Variants in COL18A1 observed in about 807,000 individuals in gnomAD.
The protein encoded by COL18A1 is collagen alpha-1(XVIII) chain.
A neutral mutation model predicts 168.0 loss-of-function variants in COL18A1; 133 were observed. The observed-to-expected ratio is 0.79, with a 90% CI of 0.69 to 0.91. The LOEUF (loss-of-function observed/expected upper bound fraction) is 0.91. COL18A1 is among the 40% of genes least tolerant of loss of function. COL18A1 has a pLI of 0.00. For synonymous variants in COL18A1, 949 were observed against 809.0 expected (o/e 1.17, Z -2.94); for missense variants, 2,126 against 1,925.4 (o/e 1.10, Z -1.95).
Position 45,506,353 on chromosome 21 carries a change from G to C in COL18A1, c.3216+387G>C, listed in dbSNP as rs2037204696. 3 of 355,018 alleles carry C rather than the reference G, an allele frequency of 8.5e-6. No individual in the cohort carries two copies. The Admixed American group carries it at 1.2e-4, about 14-fold the overall frequency. The allele number at this position is 355,018 out of a possible 1,614,324, so 22.0% of individuals were successfully genotyped here. On this transcript the variant is annotated intron_variant, in intron 37 of 41. Transcript: ENST00000651438. ...GACGTCCACAGCACGGCCCCGGCTGGGGGGCAGGCTGTCCCGTGGCTCTGC... is the reference window on the plus strand; with the variant it reads ...GACGTCCACAGCACGGCCCCGGCTGCGGGGCAGGCTGTCCCGTGGCTCTGC...
intron 2 of COL18A1, among the ~76,000 whole-genome samples, chr21:45,448,192 T>C (rs1416752585): frequency 1.3e-5 from 2 of 152,186 alleles, no homozygotes; most frequent in African/African-American, 4.8e-5. Flanking sequence ...GATACGATGA[T>C]CAGAAAACGC....
chr21:45,494,788 T>C, intron 27 of COL18A1, 74 bp from the exon 28 acceptor site: 1 of 1,419,958 alleles, frequency 7.0e-7, no homozygotes, highest in Admixed American at 1.9e-5. Flanking sequence ...GCCCCTCCCC[T>C]TCCCCAGGAC....
At chr21:45,472,250 G>GT (rs1568896840) in intron 3 of COL18A1, among the ~76,000 whole-genome samples, 1 of 151,118 alleles carries the variant, frequency 6.6e-6, no homozygotes, top group Non-Finnish European at 1.5e-5. Context: ...TTGAGACGGA[G>GT]TCTCGCTCTG....
chr21:45,496,273 C>T (rs919033898), intron 29 of COL18A1: 10 of 706,548 alleles, frequency 1.4e-5, no homozygotes, highest in African/African-American at 7.0e-5. Context: ...TCACTCCTCC[C>T]GAGGGACGTC....
intron 2 of COL18A1, among the ~76,000 whole-genome samples, chr21:45,451,689 T>C (rs2034626444): frequency 6.6e-6 from 1 of 152,144 alleles, no homozygotes; most frequent in Non-Finnish European, 1.5e-5. Context: ...GAAGGCTGCT[T>C]CCTCTATGAA....
rs2035306274 is a variant in COL18A1 at position 45,468,728 on chromosome 21, A to AGCCTGGC, written c.597_603dup (p.Gly202TrpfsTer15). ...CGGTCCTCACGGGGCCTGGAGCTGG[A>AGCCTGGC]GCCTGGCGCCGGGCTCTTCGTGGCT... On this transcript the variant is annotated frameshift_variant, in exon 3 of 42. Coordinates refer to ENST00000651438, the MANE Select transcript of COL18A1 (RefSeq NM_001379500.1). LOFTEE classifies it high-confidence loss of function. 6.2e-7 allele frequency: 1 copy of AGCCTGGC among 1,611,486 alleles called. No individual in the cohort carries two copies. Among genetic ancestry groups the AGCCTGGC allele is most frequent in the Non-Finnish European group, 8.5e-7 (1 of 1,179,888 alleles).
intron 2 of COL18A1, among the ~76,000 whole-genome samples, chr21:45,412,269 C>T (rs1435421830): frequency 7.0e-6 from 1 of 143,572 alleles, no homozygotes; most frequent in Non-Finnish European, 1.5e-5. Context: ...TGGAGTCTGG[C>T]TCTGTTGCCC....
At chr21:45,444,929 G>A (rs779014123) in intron 2 of COL18A1, among the ~76,000 whole-genome samples, 19 of 152,182 alleles carry the variant, frequency 1.2e-4, no homozygotes, top group Admixed American at 9.2e-4. Flanking sequence ...TAAGGATTGC[G>A]TGGTTTGGAA....
chr21:45,504,639 A>G (rs2037076556), intron 34 of COL18A1, 83 bp downstream of exon 34: 1 of 1,272,748 alleles, frequency 7.9e-7, no homozygotes, highest in African/African-American at 1.5e-5. Flanking sequence ...CCGGCCTTCG[A>G]CACCCGCGAA....
At chr21:45,504,628 C>A (rs907065745) in intron 34 of COL18A1, 72 bp downstream of exon 34, 2 of 1,414,814 alleles carry the variant, frequency 1.4e-6, no homozygotes, top group African/African-American at 2.8e-5. Flanking sequence ...GCAGGTCCAG[C>A]CCGGCCTTCG....
In COL18A1 at chr21:45,437,869, G is replaced by C. The variant is rs1291805010; in HGVS notation, c.107-30373G>C. ...CTGCACACACTCACACTCACACTCA[G>C]ACACACAGGCACTCTCCTGCACACA... On this transcript the variant is annotated intron_variant, in intron 2 of 41. Coordinates refer to ENST00000651438, the MANE Select transcript of COL18A1 (RefSeq NM_001379500.1). Among the ~76,000 whole-genome samples the C allele has an allele frequency of 1.1e-4, 3 of 27,028 alleles. 1 individual carries two copies. Among genetic ancestry groups the C allele is most frequent in the Non-Finnish European group, 1.7e-4 (3 of 17,270 alleles). 17.7% of individuals were successfully genotyped at this position (27,028 alleles called of 152,430 possible).
chr21:45,505,232 C>T lies in COL18A1; in HGVS notation c.2967C>T (p.Pro989=), dbSNP rs1339547749. 8 of 1,596,912 alleles carry T rather than the reference C, an allele frequency of 5.0e-6. No homozygotes were observed. The Middle Eastern group carries it at 5.1e-4, about 102-fold the overall frequency. The change falls in exon 35 of 42, where the codon CCC becomes CCT. Residue 989 remains proline (P), a synonymous_variant. Transcript: ENST00000651438. ...AGGGGCGCCAGGGCCCTCCCGGCCCCCCAGGCCCCCCAGGGCCCCCTTCAT... is the reference window on the plus strand; with the variant it reads ...AGGGGCGCCAGGGCCCTCCCGGCCCTCCAGGCCCCCCAGGGCCCCCTTCAT... ...GYEGRQGPPG[P]PGPPGPPSFP... is the part of the protein sequence containing the mutation.
rs778766804 is a variant in COL18A1, at chr21:45,510,048, G to A, written c.3496-16G>A. 2.6e-5 allele frequency: 40 copies of A among 1,546,448 alleles called. No homozygotes were observed. Among genetic ancestry groups the A allele is most frequent in the African/African-American group, 1.5e-4 (11 of 73,266 alleles). On this transcript the variant is annotated splice_polypyrimidine_tract_variant and intron_variant, in intron 39 of 41. Coordinates refer to ENST00000651438, the MANE Select transcript of COL18A1 (RefSeq NM_001379500.1). The stretch of plus-strand genomic sequence containing the variant: ...CAGCGTGGGACACAGCCCGTGACGC[G>A]CCCCTCTCCCCGCAGCTCCACCTGG...
intron 2 of COL18A1, chr21:45,419,835 C>T (rs944890151): frequency 1.3e-5 from 2 of 152,184 alleles, no homozygotes; most frequent in African/African-American, 4.8e-5. Context: ...CCCCCGGAAC[C>T]CCAGCCCTCA....
chr21:45,502,819 C>T (rs563689692), intron 32 of COL18A1: 1 of 152,296 alleles, frequency 6.6e-6, no homozygotes, highest in East Asian at 1.9e-4. Flanking sequence ...AAGGGCAGGA[C>T]GCTGGGAGGA....
At chr21:45,484,753 T>A (rs2036049914) in intron 15 of COL18A1, among the ~76,000 whole-genome samples, 1 of 152,246 alleles carries the variant, frequency 6.6e-6, no homozygotes, top group African/African-American at 2.4e-5. Context: ...CATGTATTTG[T>A]AGTGTGTGTG....
At position 45,481,546 on chromosome 21, in the gene COL18A1, G is replaced by A. The variant is rs527260070; in HGVS notation, c.1612-417G>A. Among the ~76,000 whole-genome samples, 47 of 152,332 alleles carry A rather than the reference G, an allele frequency of 3.1e-4. No individual in the cohort carries two copies. The South Asian group carries it at 6.2e-3, about 20-fold the overall frequency. ...CCTACCTGAGCCAGCCAACCCTACCGATGGGCATTCACCGTCACCATCGGC... is the reference window on the plus strand; with the variant it reads ...CCTACCTGAGCCAGCCAACCCTACCAATGGGCATTCACCGTCACCATCGGC... On this transcript the variant is annotated intron_variant, in intron 13 of 41. Transcript: ENST00000651438.
chr21:45,512,154 C>T, intron 41 of COL18A1, 34 bp from the exon 42 acceptor site: 1 of 1,593,740 alleles, frequency 6.3e-7, no homozygotes, highest in Admixed American at 1.7e-5. Flanking sequence ...CAGAGCAGGT[C>T]TGGGTTTGAC....
rs747824867 is a variant in COL18A1, at chr21:45,488,420, A to G, written c.1899A>G (p.Gly633=). The change falls in exon 18 of 42, where the codon GGA becomes GGG. Residue 633 remains glycine (G), a splice_region_variant and synonymous_variant. Transcript: ENST00000651438. The part of the protein sequence containing the change: ...STARSADGPQ[G]PPGLPGLKGD... ...CTGTGTCTCCTCTGCCCTGACAGGG[A>G]CCTCCCGGCCTGCCGGGACTTAAGG... 1.9e-6 allele frequency: 3 copies of G among 1,613,606 alleles called. No individual in the cohort carries two copies. In the South Asian group the frequency reaches 3.3e-5, roughly 18 times the overall value.
Sources: allele counts gnomAD v4.1 joint callset (sites outside exome capture counted in the v4.1 genomes callset), GRCh38; gene constraint gnomAD v4.1.1; transcripts MANE v1.5; gene names NCBI Gene and HGNC (gene_info 2026-07-23, HGNC 2026-07-21).